The following CLUL1 variants were observed in gnomAD, a reference collection of about 807,000 sequenced individuals.
The protein encoded by CLUL1 is clusterin-like protein 1.
A neutral mutation model predicts 49.4 loss-of-function variants in CLUL1; 43 were observed. The observed-to-expected ratio is 0.87, with a 90% CI of 0.68 to 1.12. The LOEUF (loss-of-function observed/expected upper bound fraction) is 1.12. Ranked by LOEUF, CLUL1 falls within the 50% of genes most tolerant of loss-of-function variation. CLUL1 has a pLI of 0.00. For missense variants in CLUL1, 486 were observed against 544.4 expected (o/e 0.89, Z 1.07); for synonymous variants, 192 against 184.9 (o/e 1.04, Z -0.31).
intron 7 of CLUL1, among the ~76,000 whole-genome samples, chr18:640,189 T>A (rs1244887428): frequency 6.6e-6 from 1 of 151,994 alleles, no homozygotes; most frequent in African/African-American, 2.4e-5. Context: ...AGACAATAAT[T>A]TAGTATGACA....
chr18:616,060 T>A (rs1370093146), intron 2 of CLUL1, among the ~76,000 whole-genome samples: 1 of 152,238 alleles, frequency 6.6e-6, no homozygotes, highest in Non-Finnish European at 1.5e-5. Flanking sequence ...GCAGGTGATC[T>A]TGAGATTTCA....
rs539395130 is a variant in CLUL1 at position 605,721 on chromosome 18, G to A, written c.-135-1257G>A. 2.0e-5 allele frequency among the ~76,000 whole-genome samples: 3 copies of A among 152,288 alleles called. No individual in the cohort carries two copies. The South Asian group carries it at 6.2e-4, about 32-fold the overall frequency. On this transcript the variant is annotated intron_variant, in intron 1 of 9. Coordinates refer to ENST00000692774, the MANE Select transcript of CLUL1 (RefSeq NM_001393344.1). ...AGAAAGGGTCTTGCGCTGTCACCCA[G>A]GCTGGAGTGCAGTGGTACGATCTTG...
At chr18:637,354 G>A (rs979517604) in intron 7 of CLUL1, among the ~76,000 whole-genome samples, 1 of 152,032 alleles carries the variant, frequency 6.6e-6, no homozygotes, top group Non-Finnish European at 1.5e-5. Flanking sequence ...CAGGTTACAC[G>A]GGCCACAGAA....
intron 2 of CLUL1, among the ~76,000 whole-genome samples, chr18:609,416 C>T (rs2073068998): frequency 6.6e-6 from 1 of 152,044 alleles, no homozygotes; most frequent in African/African-American, 2.4e-5. Context: ...TGGGAGGGTC[C>T]TTTTTTTCCC....
intron 2 of CLUL1, chr18:616,747 G>A: frequency 1.0e-6 from 1 of 974,186 alleles, no homozygotes; most frequent in Non-Finnish European, 1.2e-6. Flanking sequence ...TCACTGGGGA[G>A]ATATTGCAAA....
Position 627,221 on chromosome 18 carries a change from T to C in CLUL1, c.548T>C (p.Val183Ala), listed in dbSNP as rs762278292. The stretch of plus-strand genomic sequence containing the variant: ...GCACAATTGACCCAAATGGAGGATG[T>C]GTTCAGCCAGTTGACTGTGGATGTG... ...EDAQLTQMED[V>A]FSQLTVDVNS... Residue 183 changes from valine to alanine, a missense_variant, in exon 6 of 10, where the codon GTG becomes GCG. Transcript: ENST00000692774. 1 of 1,614,004 alleles carries C rather than the reference T, an allele frequency of 6.2e-7. No individual in the cohort carries two copies. The highest frequency in any genetic ancestry group is 8.5e-7 in the Non-Finnish European group (1 of 1,179,998).
intron 2 of CLUL1, among the ~76,000 whole-genome samples, chr18:615,132 G>T (rs988638964): frequency 2.0e-5 from 3 of 152,072 alleles, no homozygotes; most frequent in Admixed American, 2.0e-4. Flanking sequence ...ACAATATTTT[G>T]TAATCCCCTT....
intron 1 of CLUL1, among the ~76,000 whole-genome samples, chr18:604,604 A>G (rs527758526): frequency 6.6e-6 from 1 of 152,370 alleles, no homozygotes; most frequent in African/African-American, 2.4e-5. Context: ...AAATGAAAAC[A>G]GTAATTTAAC....
intron 1 of CLUL1, chr18:598,416 G>C (rs545883): frequency 0.36 from 142,883 of 395,492 alleles, 27,322 homozygotes; most frequent in African/African-American, 0.52. Flanking sequence ...GAATTTAGAC[G>C]CTTTGTGAGT....
intron 2 of CLUL1, among the ~76,000 whole-genome samples, chr18:615,260 C>A (rs1009975762): frequency 6.6e-6 from 1 of 152,052 alleles, no homozygotes; most frequent in Non-Finnish European, 1.5e-5. Flanking sequence ...AGAGGAAGAG[C>A]CTTTTTGGAA....
chr18:633,721 AT>A (rs2074053479), intron 7 of CLUL1, among the ~76,000 whole-genome samples: 1 of 152,106 alleles, frequency 6.6e-6, no homozygotes, highest in African/African-American at 2.4e-5. Flanking sequence ...GGCTAGACTA[AT>A]TCCCATTGGC....
chr18:613,345 G>T, intron 2 of CLUL1: 1 of 299,914 alleles, frequency 3.3e-6, no homozygotes, highest in Non-Finnish European at 6.1e-6. Context: ...CACCATGTTG[G>T]CCAGGCTGGT....
chr18:647,860 T>C (rs553399068), intron 9 of CLUL1, among the ~76,000 whole-genome samples: 20 of 152,286 alleles, frequency 1.3e-4, no homozygotes, highest in African/African-American at 4.3e-4. Context: ...CATTTACCCA[T>C]GTGACTCTTT....
At chr18:617,457 G>C (rs1041917589) in intron 2 of CLUL1, among the ~76,000 whole-genome samples, 31 of 152,106 alleles carry the variant, frequency 2.0e-4, no homozygotes, top group African/African-American at 7.5e-4. Flanking sequence ...AACCGGGCTT[G>C]GTGGCGCATG....
At chr18:631,211 T>G (rs13381189) in intron 6 of CLUL1, among the ~76,000 whole-genome samples, 66,411 of 151,972 alleles carry the variant, frequency 0.44, 15,057 homozygotes, top group East Asian at 0.77. Context: ...GTTCATTTTG[T>G]TCTCATATTT....
rs1023677528 is a variant in CLUL1, at chr18:607,117, C to T, written c.-14+18C>T. On this transcript the variant is annotated intron_variant, in intron 2 of 9. Transcript: ENST00000692774. ...GACTACAGGTATGCACCGCTATACC[C>T]GTCTATCTTTTATTTATTTATTTAT... The T allele has an allele frequency of 1.6e-5, 11 of 701,338 alleles. No homozygotes were observed. Among genetic ancestry groups the T allele is most frequent in the Middle Eastern group, 2.4e-4 (1 of 4,244 alleles). 43.4% of individuals were successfully genotyped at this position (701,338 alleles called of 1,614,324 possible). A position where few individuals can be genotyped will look rare whatever the true frequency, so the allele number is the denominator to read the frequency against.
Position 633,367 on chromosome 18 carries a change from A to T in CLUL1, c.926A>T (p.Asp309Val). The change falls in exon 7 of 10, where the codon GAC becomes GTC. Residue 309 changes from aspartate (D) to valine (V), a missense_variant. By Grantham distance (152) the Asp-to-Val change is radical. Transcript: ENST00000692774. Reference sequence around the variant, plus strand: ...GACAGAGGACTGTGTGGGGAACTTGACCAGAATTTGTCAAGATGTTTCAAA... The same window carrying T: ...GACAGAGGACTGTGTGGGGAACTTGTCCAGAATTTGTCAAGATGTTTCAAA... ...GQDRGLCGEL[D>V]QNLSRCFKFH... is the part of the protein sequence containing the mutation. The T allele has an allele frequency of 1.2e-6, 2 of 1,613,916 alleles. No homozygotes were observed. Among genetic ancestry groups the T allele is most frequent in the Non-Finnish European group, 1.7e-6 (2 of 1,179,812 alleles).
At chr18:630,064 T>C (rs912838471) in intron 6 of CLUL1, among the ~76,000 whole-genome samples, 4 of 152,252 alleles carry the variant, frequency 2.6e-5, no homozygotes, top group Middle Eastern at 3.4e-3. Context: ...AAAGGGAAAG[T>C]AAGGATGCAG....
intron 5 of CLUL1, among the ~76,000 whole-genome samples, chr18:626,809 C>A (rs535080065): frequency 4.1e-5 from 6 of 144,732 alleles, no homozygotes; most frequent in African/African-American, 1.5e-4. Context: ...TGCAGTGAGC[C>A]GAGATGGTGC....
Sources: allele counts gnomAD v4.1 joint callset (sites outside exome capture counted in the v4.1 genomes callset), GRCh38; gene constraint gnomAD v4.1.1; transcripts MANE v1.5; gene names NCBI Gene and HGNC (gene_info 2026-07-23, HGNC 2026-07-21).